The following PCDHA6 variants were observed in gnomAD, a reference collection of about 807,000 sequenced individuals.
The protein encoded by PCDHA6 is protocadherin alpha-6.
A neutral mutation model predicts 60.3 loss-of-function variants in PCDHA6; 55 were observed. The observed-to-expected ratio is 0.91, with a 90% CI of 0.73 to 1.14. The LOEUF (loss-of-function observed/expected upper bound fraction) is 1.14. Among genes scored for constraint, PCDHA6 ranks in the 50% most tolerant of loss-of-function variants. The probability of loss-of-function intolerance (pLI) is 0.00; values close to 1 mark genes in which losing one functional copy is unlikely to be tolerated. For missense variants in PCDHA6, 1,327 were observed against 1,256.5 expected, an observed-to-expected ratio of 1.06 and a Z score of -0.85; for synonymous variants, 652 against 557.9, an observed-to-expected ratio of 1.17 and a Z score of -2.38.
intron 1 of PCDHA6, among the ~76,000 whole-genome samples, chr5:140,885,620 G>A (rs1480920354): frequency 1.3e-5 from 2 of 152,120 alleles, no homozygotes; most frequent in Non-Finnish European, 2.9e-5. Context: ...TATAAAATAT[G>A]TCACTGGATT....
intron 1 of PCDHA6, chr5:140,847,497 A>G (rs1331989915): frequency 3.3e-5 from 5 of 149,972 alleles, no homozygotes; most frequent in African/African-American, 1.2e-4. Context: ...AAAACTCACA[A>G]CAAAACTTTG....
chr5:140,894,956 A>T (rs2064745767), intron 1 of PCDHA6, among the ~76,000 whole-genome samples: 1 of 152,208 alleles, frequency 6.6e-6, no homozygotes, highest in South Asian at 2.1e-4. Context: ...AATGATAAAA[A>T]TATAATTTTT....
rs1299546647 is a variant in PCDHA6 at position 140,935,314 on chromosome 5, A to T, written c.2395-43635A>T. 2.0e-5 allele frequency among the ~76,000 whole-genome samples: 3 copies of T among 152,208 alleles called. No homozygotes were observed. In the East Asian group the frequency reaches 5.8e-4, roughly 29 times the overall value. ...TCCGAGGTTTTTACTTAACTTCATC[A>T]ATCTTACATTCCTATTTCTCCCATA... On this transcript the variant is annotated intron_variant, in intron 1 of 3. Transcript: ENST00000529310.
chr5:140,892,144 G>T (rs549500463), intron 1 of PCDHA6, among the ~76,000 whole-genome samples: 1 of 152,102 alleles, frequency 6.6e-6, no homozygotes, highest in Non-Finnish European at 1.5e-5. Context: ...TGGTTTTAGC[G>T]TCTATTTCTG....
chr5:140,941,284 TTCTC>T (rs1234192371), intron 1 of PCDHA6, among the ~76,000 whole-genome samples: 2 of 124,572 alleles, frequency 1.6e-5, no homozygotes, highest in African/African-American at 2.8e-5. Flanking sequence ...CTTCCTTCCT[TTCTC>T]TTTCTTTCTT....
chr5:140,870,987 C>A, intron 1 of PCDHA6: 1 of 1,613,452 alleles, frequency 6.2e-7, no homozygotes, highest in Non-Finnish European at 8.5e-7. Flanking sequence ...TGTACACGGG[C>A]GAGATAAGCA....
At position 140,967,914 on chromosome 5, in the gene PCDHA6, T is replaced by C. The variant is rs1376293284; in HGVS notation, c.2395-11035T>C. On this transcript the variant is annotated intron_variant, in intron 1 of 3. Coordinates refer to ENST00000529310, the MANE Select transcript of PCDHA6 (RefSeq NM_018909.4). ...CCTGAGAATGCTACACCCAACACCA[T>C]TGTGGCCGTTCTCAGTGTCAATGAC... 1.2e-5 allele frequency: 20 copies of C among 1,614,060 alleles called. No individual in the cohort carries two copies. The highest frequency in any genetic ancestry group is 3.3e-5 in the South Asian group (3 of 91,086).
intron 1 of PCDHA6, chr5:140,876,785 C>T (rs1554168921): frequency 3.1e-6 from 5 of 1,614,206 alleles, no homozygotes; most frequent in Admixed American, 1.7e-5. Flanking sequence ...CTGTGGGCCA[C>T]GGCTAGAGTG....
chr5:140,961,736 T>C (rs1554225571), intron 1 of PCDHA6, among the ~76,000 whole-genome samples: 1 of 152,178 alleles, frequency 6.6e-6, no homozygotes. Context: ...ACAATCACTT[T>C]AGTAATATTA....
At chr5:140,927,822 T>C in intron 1 of PCDHA6, 1 of 1,614,152 alleles carries the variant, frequency 6.2e-7, no homozygotes, top group Non-Finnish European at 8.5e-7. Context: ...AGGCATACAT[T>C]GAGGCGAGGG....
chr5:140,836,511 CTG>C, intron 1 of PCDHA6: 2 of 1,613,860 alleles, frequency 1.2e-6, no homozygotes, highest in Non-Finnish European at 1.7e-6. Flanking sequence ...GGTGTCCAGT[CTG>C]TTGGTGCTTA....
chr5:140,862,984 G>A (rs1420012474), intron 1 of PCDHA6: 1 of 546,626 alleles, frequency 1.8e-6, no homozygotes, highest in Non-Finnish European at 3.6e-6. Context: ...TGGTGGCGAA[G>A]GTGCGCACGG....
intron 1 of PCDHA6, chr5:140,868,337 C>T (rs1380091281): frequency 1.3e-5 from 2 of 151,836 alleles, no homozygotes; most frequent in African/African-American, 2.4e-5. Context: ...TATAAAGTCA[C>T]TTATAATCAG....
rs1328741778 is a variant in PCDHA6, at chr5:140,850,113, G to T, written c.2394+19628G>T. On this transcript the variant is annotated intron_variant, in intron 1 of 3. Transcript: ENST00000529310. ...ACAGTTCCAGGTGAGCGCGCGCGAC[G>T]CGGGCGTGCCGCCTCTGGGCAGCAA... 18 of 1,595,940 alleles carry T rather than the reference G, an allele frequency of 1.1e-5. 2 individuals are homozygous for T. Among genetic ancestry groups the T allele is most frequent in the Non-Finnish European group, 1.5e-5 (18 of 1,167,848 alleles).
At chr5:140,977,096 G>A (rs1401413424) in intron 1 of PCDHA6, among the ~76,000 whole-genome samples, 1 of 152,182 alleles carries the variant, frequency 6.6e-6, no homozygotes, top group East Asian at 1.9e-4. Flanking sequence ...TGTGTCATTG[G>A]GGAAGTGAGA....
chr5:140,966,860 T>A, intron 1 of PCDHA6: 1 of 1,577,482 alleles, frequency 6.3e-7, no homozygotes, highest in Middle Eastern at 1.7e-4. Flanking sequence ...CCTGCTGCTG[T>A]TGCTGCTGCT....
intron 1 of PCDHA6, chr5:140,867,034 G>C (rs1398561687): frequency 6.6e-6 from 1 of 152,106 alleles, no homozygotes; most frequent in Non-Finnish European, 1.5e-5. Context: ...ACTCTTTTAT[G>C]ACTTGGCGTT....
chr5:140,879,366 C>A (rs1363345702), intron 1 of PCDHA6, among the ~76,000 whole-genome samples: 1 of 152,156 alleles, frequency 6.6e-6, no homozygotes, highest in East Asian at 1.9e-4. Flanking sequence ...CATTAACCAA[C>A]CTGCAGAACA....
intron 1 of PCDHA6, among the ~76,000 whole-genome samples, chr5:140,891,819 G>A (rs1282245838): frequency 6.6e-6 from 1 of 152,216 alleles, no homozygotes. Flanking sequence ...ATAAATTAAC[G>A]GCACTGTAAA....
Sources: gnomAD v4.1 joint callset for allele counts (sites outside exome capture counted in the v4.1 genomes callset) on GRCh38, gnomAD v4.1.1 for gene constraint, MANE v1.5 for transcripts, NCBI Gene and HGNC (gene_info 2026-07-23, HGNC 2026-07-21) for gene names.